R3HDM1: variants seen among roughly 807,000 people sequenced by gnomAD.
The protein encoded by R3HDM1 is R3H domain-containing protein 1.
R3HDM1 carries 46 observed loss-of-function variants against 141.1 expected under a neutral mutation model. That is an observed-to-expected ratio of 0.33 (90% CI 0.26 to 0.42). The LOEUF is 0.42. Among genes scored for constraint, R3HDM1 ranks in the 10% least tolerant of loss-of-function variants. R3HDM1 has a pLI of 1.00. For synonymous variants in R3HDM1, 435 were observed against 472.9 expected (o/e 0.92, Z 1.04); for missense variants, 1,184 against 1,368.3 (o/e 0.87, Z 2.12).
chr2:135,592,033 AT>A (rs538063829), intron 1 of R3HDM1, among the ~76,000 whole-genome samples: 10 of 152,230 alleles, frequency 6.6e-5, no homozygotes, highest in Non-Finnish European at 1.0e-4. Flanking sequence ...GATTAATTGA[AT>A]CATTGGCCAT....
At chr2:135,723,501 G>T (rs2076896447) in intron 26 of R3HDM1, among the ~76,000 whole-genome samples, 1 of 151,828 alleles carries the variant, frequency 6.6e-6, no homozygotes, top group African/African-American at 2.4e-5. Context: ...GCCGGATGCA[G>T]TGCCTCATGC....
At chr2:135,534,675 C>T (rs776074632) in intron 1 of R3HDM1, among the ~76,000 whole-genome samples, 2 of 152,166 alleles carry the variant, frequency 1.3e-5, no homozygotes, top group Non-Finnish European at 2.9e-5. Context: ...TATGGTGGGC[C>T]TCCGAAGTCA....
intron 7 of R3HDM1, among the ~76,000 whole-genome samples, chr2:135,626,959 A>T (rs1237382171): frequency 1.3e-5 from 2 of 152,174 alleles, no homozygotes; most frequent in Non-Finnish European, 2.9e-5. Flanking sequence ...AATGTTTTTA[A>T]GGTTCATCCA....
At chr2:135,618,306 A>G (rs965801346) in intron 5 of R3HDM1, among the ~76,000 whole-genome samples, 1 of 151,548 alleles carries the variant, frequency 6.6e-6, no homozygotes, top group African/African-American at 2.4e-5. Context: ...AATTATAGGC[A>G]CCCGCCACCA....
intron 1 of R3HDM1, among the ~76,000 whole-genome samples, chr2:135,599,262 A>G (rs1179286915): frequency 6.6e-6 from 1 of 152,112 alleles, no homozygotes; most frequent in Non-Finnish European, 1.5e-5. Flanking sequence ...GTCCCTAATA[A>G]ATAGCATGTT....
intron 1 of R3HDM1, among the ~76,000 whole-genome samples, chr2:135,583,471 A>G (rs577749710): frequency 6.6e-6 from 1 of 152,334 alleles, no homozygotes; most frequent in African/African-American, 2.4e-5. Flanking sequence ...GGTAGAAAAC[A>G]TACCTTTGAA....
intron 18 of R3HDM1, among the ~76,000 whole-genome samples, chr2:135,657,055 G>A (rs1044170553): frequency 5.9e-5 from 9 of 151,520 alleles, no homozygotes; most frequent in Non-Finnish European, 1.0e-4. Context: ...AGCTGAGATC[G>A]TGCCACTGCA....
chr2:135,552,204 G>A (rs1056695232), intron 1 of R3HDM1, among the ~76,000 whole-genome samples: 1 of 151,450 alleles, frequency 6.6e-6, no homozygotes, highest in African/African-American at 2.4e-5. Context: ...TTTTTTGGGG[G>A]GTGCGGGGAG....
At chr2:135,571,357 G>A (rs943570239) in intron 1 of R3HDM1, among the ~76,000 whole-genome samples, 1 of 151,348 alleles carries the variant, frequency 6.6e-6, no homozygotes, top group Non-Finnish European at 1.5e-5. Context: ...CTGGAGTCTT[G>A]CTGTGTTGTC....
chr2:135,592,502 C>T (rs1709503103), intron 1 of R3HDM1, among the ~76,000 whole-genome samples: 1 of 152,130 alleles, frequency 6.6e-6, no homozygotes, highest in Admixed American at 6.5e-5. Flanking sequence ...AAACAGATCA[C>T]TTTTGAAAGA....
intron 1 of R3HDM1, among the ~76,000 whole-genome samples, chr2:135,588,593 T>A (rs1182412436): frequency 6.6e-6 from 1 of 152,176 alleles, no homozygotes; most frequent in South Asian, 2.1e-4. Context: ...CTCAGTTTTT[T>A]AATTTTGAGA....
intron 3 of R3HDM1, among the ~76,000 whole-genome samples, chr2:135,610,861 T>C (rs1035788407): frequency 6.6e-6 from 1 of 152,144 alleles, no homozygotes; most frequent in African/African-American, 2.4e-5. Flanking sequence ...TGCCAGCACT[T>C]TGGGATGCCG....
rs770748939 is a variant in R3HDM1, at chr2:135,675,322, A to G, written c.2153-10A>G. ...TTCAGAGCAGGATTTAACTCATTGTACCATTACAGGTTATCAAGTTATACC... is the reference window on the plus strand; with the variant it reads ...TTCAGAGCAGGATTTAACTCATTGTGCCATTACAGGTTATCAAGTTATACC... On this transcript the variant is annotated splice_polypyrimidine_tract_variant and intron_variant, in intron 19 of 26. Coordinates refer to ENST00000683871, the MANE Select transcript of R3HDM1 (RefSeq NM_001378107.1). The G allele has an allele frequency of 1.2e-6, 2 of 1,610,936 alleles. No individual in the cohort carries two copies. The highest frequency in any genetic ancestry group is 1.7e-6 in the Non-Finnish European group (2 of 1,178,092).
intron 1 of R3HDM1, among the ~76,000 whole-genome samples, chr2:135,602,109 A>T (rs188714306): frequency 6.6e-6 from 1 of 152,032 alleles, no homozygotes; most frequent in South Asian, 2.1e-4. Context: ...TCTTAAGTCC[A>T]TAGAGTTACA....
intron 1 of R3HDM1, among the ~76,000 whole-genome samples, chr2:135,595,190 C>G (rs1012995536): frequency 6.6e-6 from 1 of 152,182 alleles, no homozygotes; most frequent in Non-Finnish European, 1.5e-5. Context: ...CTGAAATCAT[C>G]GTTCTGCCAT....
At chr2:135,643,123 GAT>G (rs2063980904) in intron 15 of R3HDM1, among the ~76,000 whole-genome samples, 1 of 152,076 alleles carries the variant, frequency 6.6e-6, no homozygotes, top group South Asian at 2.1e-4. Context: ...ATCAAAAAGT[GAT>G]CTCTGGTTTT....
intron 17 of R3HDM1, chr2:135,651,528 A>AATAATTT: frequency 1.1e-6 from 1 of 939,658 alleles, no homozygotes; most frequent in South Asian, 5.0e-5. Flanking sequence ...ATATTTTTTA[A>AATAATTT]ATAATTTATA....
chr2:135,616,760 A>G lies in R3HDM1; in HGVS notation c.303+3A>G. On this transcript the variant is annotated splice_donor_region_variant and intron_variant, in intron 5 of 26. Transcript: ENST00000683871. The stretch of plus-strand genomic sequence containing the variant: ...CAGAGATATCACAGGAGAACCAGGT[A>G]AAAAAGCAAAACAAATGTTATTTCA... 1 of 1,577,966 alleles carries G rather than the reference A, an allele frequency of 6.3e-7. No individual in the cohort carries two copies. Among genetic ancestry groups the G allele is most frequent in the South Asian group, 1.1e-5 (1 of 88,422 alleles).
At chr2:135,638,476 CAT>C in intron 11 of R3HDM1, 140 bp from the exon 12 acceptor site, 1 of 786,770 alleles carries the variant, frequency 1.3e-6, no homozygotes, top group Non-Finnish European at 1.9e-6. Flanking sequence ...AAAAAAATTC[CAT>C]TATTATTTAT....
Sources: allele counts gnomAD v4.1 joint callset (sites outside exome capture counted in the v4.1 genomes callset), GRCh38; gene constraint gnomAD v4.1.1; transcripts MANE v1.5; gene names NCBI Gene and HGNC (gene_info 2026-07-23, HGNC 2026-07-21).